The following SUFU variants were observed in gnomAD, a reference collection of about 807,000 sequenced individuals.
SUFU encodes suppressor of fused homolog.
Under a neutral mutation model 58.9 loss-of-function variants are expected in SUFU, and 7 were observed. The observed-to-expected ratio is 0.12, with a 90% CI of 0.07 to 0.22. The LOEUF (loss-of-function observed/expected upper bound fraction) is 0.22, where lower values mean the gene tolerates loss of function less well. SUFU is among the 10% of genes least tolerant of loss of function. The pLI, the probability that SUFU is intolerant of heterozygous loss-of-function variation, is 1.00. For missense variants in SUFU, 451 were observed against 641.3 expected (o/e 0.70, Z 3.20); for synonymous variants, 232 against 254.8 (o/e 0.91, Z 0.85).
chr10:102,610,067 G>A (rs373647967), intron 8 of SUFU, among the ~76,000 whole-genome samples: 2 of 151,956 alleles, frequency 1.3e-5, no homozygotes, highest in African/African-American at 2.4e-5. Context: ...ACTCAACATC[G>A]TCGTTGCCTT....
chr10:102,599,901 G>T (rs1233550994), intron 8 of SUFU, among the ~76,000 whole-genome samples: 1 of 152,310 alleles, frequency 6.6e-6, no homozygotes, highest in South Asian at 2.1e-4. Flanking sequence ...GGCCAGAGTT[G>T]CCCTTCCTTC....
chr10:102,585,630 CCG>C (rs2063328032), intron 3 of SUFU, among the ~76,000 whole-genome samples: 1 of 152,088 alleles, frequency 6.6e-6, no homozygotes, highest in African/African-American at 2.4e-5. Flanking sequence ...CTTCAACCTC[CCG>C]AGTACCTGGG....
At chr10:102,620,315 G>A (rs970673893) in intron 10 of SUFU, among the ~76,000 whole-genome samples, 10 of 152,310 alleles carry the variant, frequency 6.6e-5, no homozygotes, top group Admixed American at 2.6e-4. Context: ...AGGAGAGGCC[G>A]AGAGGAAAAG....
rs1476421536 is a variant in SUFU, at chr10:102,632,128, T to C, written c.*1973T>C. 4.3e-6 allele frequency: 1 copy of C among 233,312 alleles called. No homozygotes were observed. The highest frequency in any genetic ancestry group is 2.2e-5 in the African/African-American group (1 of 45,342). 14.5% of individuals were successfully genotyped at this position (233,312 alleles called of 1,614,324 possible). On this transcript the variant is annotated 3_prime_UTR_variant, in exon 12 of 12. Coordinates refer to ENST00000369902, the MANE Select transcript of SUFU (RefSeq NM_016169.4). ...GAGGGCTCCCTGCTGCAGTTCGCCG[T>C]ACTTCCATCTGCTGGGTGCCTCCAT...
intron 8 of SUFU, among the ~76,000 whole-genome samples, chr10:102,611,548 C>A (rs2063623103): frequency 6.6e-6 from 1 of 152,178 alleles, no homozygotes; most frequent in Non-Finnish European, 1.5e-5. Context: ...ACTGGCCTGG[C>A]CAGAGGCAGT....
intron 8 of SUFU, among the ~76,000 whole-genome samples, chr10:102,606,768 T>TA (rs2063565987): frequency 6.6e-6 from 1 of 151,960 alleles, no homozygotes; most frequent in Non-Finnish European, 1.5e-5. Context: ...AGAGGCATAC[T>TA]AAAAAAATAA....
At position 102,619,839 on chromosome 10, in the gene SUFU, C is replaced by T. The variant is rs1241915799; in HGVS notation, c.1296+2411C>T. Among the ~76,000 whole-genome samples, 1 of 152,110 alleles carries T rather than the reference C, an allele frequency of 6.6e-6. No individual in the cohort carries two copies. The highest frequency in any genetic ancestry group is 1.9e-4 in the East Asian group (1 of 5,186). On this transcript the variant is annotated intron_variant, in intron 10 of 11. Coordinates refer to ENST00000369902, the MANE Select transcript of SUFU (RefSeq NM_016169.4). The surrounding 1 kb of genome is among the most constrained non-coding windows in gnomAD (Gnocchi z 4.2). ...GATCTCCCTCTGGGGCTGGCTGTCTCCCTGGGAGTCTGCAGGACCTCCTAG... is the reference window on the plus strand; with the variant it reads ...GATCTCCCTCTGGGGCTGGCTGTCTTCCTGGGAGTCTGCAGGACCTCCTAG...
intron 7 of SUFU, 59 bp from the exon 8 acceptor site, chr10:102,599,374 G>T: frequency 1.5e-6 from 2 of 1,309,314 alleles, no homozygotes; most frequent in South Asian, 1.2e-5. Context: ...TTTCAAGAGC[G>T]GGGTGAGAAT....
At chr10:102,530,060 G>A (rs1291507525) in intron 2 of SUFU, among the ~76,000 whole-genome samples, 5 of 152,140 alleles carry the variant, frequency 3.3e-5, no homozygotes, top group Non-Finnish European at 7.3e-5. Flanking sequence ...TGAGATGAGT[G>A]TTCTTCTCCC....
intron 6 of SUFU, 90 bp downstream of exon 6, chr10:102,594,155 C>T: frequency 1.5e-6 from 2 of 1,316,712 alleles, no homozygotes; most frequent in East Asian, 2.3e-5. Context: ...AAACAGAGGA[C>T]CTTTATGTGT....
intron 2 of SUFU, among the ~76,000 whole-genome samples, chr10:102,538,659 C>G (rs574475808): frequency 9.2e-5 from 14 of 152,174 alleles, no homozygotes; most frequent in Non-Finnish European, 1.9e-4. Flanking sequence ...GCAGCCTCTC[C>G]CGCTGTCAAC....
chr10:102,614,768 C>T (rs1356242880), intron 8 of SUFU, among the ~76,000 whole-genome samples: 13 of 144,166 alleles, frequency 9.0e-5, no homozygotes, highest in African/African-American at 2.8e-4. Context: ...CCCAGCTACT[C>T]GGGAGGCTAA....
chr10:102,569,016 C>T lies in SUFU; in HGVS notation c.454+18910C>T, dbSNP rs757122844. 5.4e-4 allele frequency among the ~76,000 whole-genome samples: 76 copies of T among 140,852 alleles called. 2 individuals are homozygous for T. Among genetic ancestry groups the T allele is most frequent in the Admixed American group, 8.1e-4 (11 of 13,524 alleles). 92.4% of individuals were successfully genotyped at this position (140,852 alleles called of 152,430 possible). A position where few individuals can be genotyped will look rare whatever the true frequency, so the allele number is the denominator to read the frequency against. On this transcript the variant is annotated intron_variant, in intron 3 of 11. Transcript: ENST00000369902. The stretch of plus-strand genomic sequence containing the variant: ...ATTTCATTGTATGATACTAACATAA[C>T]AGGCCCCTCTAGGATAAATAGACCC...
At chr10:102,531,777 A>G in intron 2 of SUFU, among the ~76,000 whole-genome samples, 1 of 152,122 alleles carries the variant, frequency 6.6e-6, no homozygotes, top group Middle Eastern at 3.2e-3. Context: ...TCACTCTCCT[A>G]AGGCTGAAGG....
At chr10:102,553,087 G>C (rs2062934923) in intron 3 of SUFU, among the ~76,000 whole-genome samples, 1 of 152,150 alleles carries the variant, frequency 6.6e-6, no homozygotes, top group South Asian at 2.1e-4. Context: ...GAACGGGACA[G>C]GGTGACTACA....
chr10:102,522,735 T>A (rs2062564650), intron 2 of SUFU, among the ~76,000 whole-genome samples: 1 of 152,202 alleles, frequency 6.6e-6, no homozygotes, highest in Non-Finnish European at 1.5e-5. Flanking sequence ...CAGACACACT[T>A]AGTTCCCATC....
rs556707582 is a variant in SUFU at position 102,627,211 on chromosome 10, G to A, written c.1333G>A (p.Glu445Lys). The change falls in exon 11 of 12, where the codon GAG becomes AAG. Residue 445 changes from glutamate to lysine, a missense_variant. By Grantham distance (56) the Glu-to-Lys change is moderately conservative (BLOSUM62 1). Coordinates refer to ENST00000369902, the MANE Select transcript of SUFU (RefSeq NM_016169.4). ...CGAAGAGTTTGTAGAGAAAATGTTG[G>A]AGGATTTAGAAGATTTGACTTCTCC... The part of the protein sequence containing the change: ...LTEEFVEKML[E>K]DLEDLTSPEE... 9 of 1,614,254 alleles carry A rather than the reference G, an allele frequency of 5.6e-6. No homozygotes were observed. The South Asian group carries it at 9.9e-5, about 18-fold the overall frequency.
At position 102,632,342 on chromosome 10, in the gene SUFU, G is replaced by A. The variant is rs1435406117; in HGVS notation, c.*2187G>A. The A allele has an allele frequency of 2.6e-5, 6 of 233,228 alleles. No individual in the cohort carries two copies. Among genetic ancestry groups the A allele is most frequent in the Non-Finnish European group, 5.1e-5 (6 of 118,126 alleles). 14.4% of individuals were successfully genotyped at this position (233,228 alleles called of 1,614,324 possible). A position where few individuals can be genotyped will look rare whatever the true frequency, so the allele number is the denominator to read the frequency against. On this transcript the variant is annotated 3_prime_UTR_variant, in exon 12 of 12. Transcript: ENST00000369902. ...GGAAGTGGGTGAGCTCCGAGATGAT[G>A]AGCACATGAAGCCTGTGGCCCCTTC...
rs1376723813 is a variant in SUFU at position 102,627,086 on chromosome 10, T to C, written c.1297-89T>C. 4.3e-6 allele frequency: 6 copies of C among 1,385,944 alleles called. No homozygotes were observed. In the South Asian group the frequency reaches 4.7e-5, roughly 11 times the overall value. The allele number at this position is 1,385,944 out of a possible 1,614,324, so 85.9% of individuals were successfully genotyped here. A position where few individuals can be genotyped will look rare whatever the true frequency, so the allele number is the denominator to read the frequency against. On this transcript the variant is annotated intron_variant, in intron 10 of 11. Transcript: ENST00000369902. ...TCACAGTGAGCTCATCTCTCCTCCA[T>C]GGTCAGAAGAGAGGTATAACGCTTG... is the stretch of plus-strand genomic sequence containing the variant.
Sources: allele counts gnomAD v4.1 joint callset (sites outside exome capture counted in the v4.1 genomes callset), GRCh38; gene constraint gnomAD v4.1.1; non-coding constraint Gnocchi (gnomAD v3.1); transcripts MANE v1.5; gene names NCBI Gene and HGNC (gene_info 2026-07-23, HGNC 2026-07-21).